Variants in MDGA2 observed in about 807,000 individuals in gnomAD.
MDGA2 encodes MAM domain-containing glycosylphosphatidylinositol anchor protein 2.
MDGA2 carries 40 observed loss-of-function variants against 117.8 expected under a neutral mutation model. That is an observed-to-expected ratio of 0.34 (90% CI 0.26 to 0.44). The LOEUF is 0.44. Among genes scored for constraint, MDGA2 ranks in the 20% least tolerant of loss-of-function variants. The pLI is 1.00. For synonymous variants in MDGA2, 452 were observed against 439.0 expected (o/e 1.03, Z -0.37); for missense variants, 1,123 against 1,250.6 (o/e 0.90, Z 1.54).
chr14:47,258,651 T>G (rs1017559365), intron 2 of MDGA2, among the ~76,000 whole-genome samples: 1 of 152,046 alleles, frequency 6.6e-6, no homozygotes, highest in Non-Finnish European at 1.5e-5. Flanking sequence ...TAGTACAGAC[T>G]TGATTTAAAC....
chr14:47,528,954 C>T (rs1242725883), intron 1 of MDGA2, among the ~76,000 whole-genome samples: 1 of 151,204 alleles, frequency 6.6e-6, no homozygotes, highest in Admixed American at 6.6e-5. Context: ...AGGAAAGGGA[C>T]ATAGATCATT....
chr14:47,092,811 T>C (rs1442442327), intron 6 of MDGA2, among the ~76,000 whole-genome samples: 3 of 151,974 alleles, frequency 2.0e-5, no homozygotes, highest in African/African-American at 7.3e-5. Flanking sequence ...AGTTGGCTGC[T>C]TAGAGGAAAA....
chr14:47,175,418 G>T (rs1009978083), intron 3 of MDGA2, among the ~76,000 whole-genome samples: 3 of 149,854 alleles, frequency 2.0e-5, no homozygotes, highest in African/African-American at 4.9e-5. Context: ...CTGGCAAACC[G>T]AATCCAGCAG....
intron 3 of MDGA2, among the ~76,000 whole-genome samples, chr14:47,206,869 C>A (rs1297608569): frequency 2.6e-5 from 4 of 151,638 alleles, no homozygotes; most frequent in African/African-American, 9.7e-5. Flanking sequence ...CCAGCCTGGG[C>A]AACAGAGTGA....
chr14:47,291,157 T>G (rs989121801), intron 2 of MDGA2, among the ~76,000 whole-genome samples: 2 of 152,206 alleles, frequency 1.3e-5, no homozygotes, highest in African/African-American at 4.8e-5. Context: ...AAGCTGGACT[T>G]GCTGCTGAAC....
At chr14:47,563,578 GTTTTTTTTT>G (rs56244321) in intron 1 of MDGA2, among the ~76,000 whole-genome samples, 5 of 56,974 alleles carry the variant, frequency 8.8e-5, no homozygotes, top group Non-Finnish European at 6.5e-5. Flanking sequence ...GCTTTTTTCT[GTTTTTTTTT>G]TTTTTTTTTT....
At chr14:47,232,482 G>A (rs970073975) in intron 2 of MDGA2, among the ~76,000 whole-genome samples, 1 of 152,058 alleles carries the variant, frequency 6.6e-6, no homozygotes, top group African/African-American at 2.4e-5. Flanking sequence ...ATCCACTTGT[G>A]TTTAAACAAG....
chr14:46,915,457 A>G lies in MDGA2; in HGVS notation c.2238+4555T>C, dbSNP rs377651384. Among the ~76,000 whole-genome samples, 64 of 152,330 alleles carry G rather than the reference A, an allele frequency of 4.2e-4. 2 individuals carry two copies. In the South Asian group the frequency reaches 8.5e-3, roughly 20 times the overall value. On this transcript the variant is annotated intron_variant, in intron 10 of 16. Transcript: ENST00000399232. ...TAAACATGTATAAATATAGTGTATC[A>G]ATAAGAACAGAGGGGCTAATCTAAT...
intron 1 of MDGA2, among the ~76,000 whole-genome samples, chr14:47,474,883 G>C (rs752648780): frequency 6.6e-6 from 1 of 152,114 alleles, no homozygotes; most frequent in African/African-American, 2.4e-5. Flanking sequence ...AGAAACTCTA[G>C]AAGAAAATCT....
chr14:46,867,398 G>A (rs889521352), intron 14 of MDGA2, among the ~76,000 whole-genome samples: 1 of 150,344 alleles, frequency 6.7e-6, no homozygotes, highest in Non-Finnish European at 1.5e-5. Flanking sequence ...GTTGTGGGGT[G>A]GGGGGAGAGG....
intron 5 of MDGA2, among the ~76,000 whole-genome samples, chr14:47,125,835 T>G (rs559038446): frequency 1.1e-4 from 17 of 151,954 alleles, no homozygotes; most frequent in African/African-American, 3.4e-4. Context: ...CATCATAACC[T>G]CTCAAGCAGG....
At chr14:47,362,366 T>C (rs980984132) in intron 1 of MDGA2, among the ~76,000 whole-genome samples, 13 of 152,172 alleles carry the variant, frequency 8.5e-5, no homozygotes, top group Admixed American at 4.6e-4. Flanking sequence ...CAGTAACACA[T>C]CAATTTACTC....
At chr14:47,216,918 G>T (rs1207072122) in intron 3 of MDGA2, among the ~76,000 whole-genome samples, 1 of 151,974 alleles carries the variant, frequency 6.6e-6, no homozygotes, top group African/African-American at 2.4e-5. Flanking sequence ...TAAGGGATGA[G>T]GGGCAGGGGG....
chr14:47,438,933 T>G (rs1892948814), intron 1 of MDGA2, among the ~76,000 whole-genome samples: 1 of 152,158 alleles, frequency 6.6e-6, no homozygotes, highest in East Asian at 1.9e-4. Flanking sequence ...AGGGCAAATG[T>G]GCCTACTCTA....
intron 3 of MDGA2, 86 bp downstream of exon 3, chr14:47,217,935 C>T: frequency 1.8e-6 from 2 of 1,122,784 alleles, no homozygotes; most frequent in South Asian, 4.1e-5. Context: ...AAACAGAACG[C>T]TATGGTTTTT....
chr14:47,634,794 G>A (rs1897297135), intron 1 of MDGA2, among the ~76,000 whole-genome samples: 1 of 152,028 alleles, frequency 6.6e-6, no homozygotes, highest in Admixed American at 6.5e-5. Flanking sequence ...AAATCTATAG[G>A]ATGCTAGGCA....
chr14:47,362,600 C>A (rs1330836378), intron 1 of MDGA2, among the ~76,000 whole-genome samples: 1 of 151,994 alleles, frequency 6.6e-6, no homozygotes, highest in Admixed American at 6.6e-5. Flanking sequence ...AAAGATTACT[C>A]TGAATATATA....
At position 47,675,408 on chromosome 14, in the gene MDGA2, A is replaced by G. The variant is rs1035451886; in HGVS notation, c.-612T>C. 6.6e-6 allele frequency among the ~76,000 whole-genome samples: 1 copy of G among 151,430 alleles called. No individual in the cohort carries two copies. Among genetic ancestry groups the G allele is most frequent in the Admixed American group, 6.6e-5 (1 of 15,240 alleles). ...GAAGAGGGAAGGGAGGAGGGGGAAG[A>G]AGGAGGAGGAAAGGGTCCAACAGGG... On this transcript the variant is annotated 5_prime_UTR_variant, in exon 1 of 17. Transcript: ENST00000399232.
chr14:47,053,654 T>C (rs61992836), intron 7 of MDGA2, among the ~76,000 whole-genome samples: 16,344 of 60,858 alleles, frequency 0.27, 1,717 homozygotes, highest in African/African-American at 0.42. Flanking sequence ...TATATATATA[T>C]ACACACACAC....
Sources: allele counts gnomAD v4.1 joint callset (sites outside exome capture counted in the v4.1 genomes callset), GRCh38; gene constraint gnomAD v4.1.1; transcripts MANE v1.5; gene names NCBI Gene and HGNC (gene_info 2026-07-23, HGNC 2026-07-21).